The following CDC27 variants were observed in gnomAD, a reference collection of about 807,000 sequenced individuals.
CDC27 encodes cell division cycle 27.
A neutral mutation model predicts 109.7 loss-of-function variants in CDC27; 27 were observed. The ratio of observed to expected loss-of-function variants is 0.25; its 90% CI spans 0.18 to 0.34. CDC27 has a LOEUF of 0.34. Ranked by LOEUF, CDC27 falls within the 10% of genes least tolerant of loss-of-function variation. The probability of loss-of-function intolerance (pLI) is 1.00; values close to 1 mark genes in which losing one functional copy is unlikely to be tolerated. For synonymous variants in CDC27, 266 were observed against 333.9 expected (o/e 0.80, Z 2.22); for missense variants, 579 against 960.2 (o/e 0.60, Z 5.25).
In CDC27 at chr17:47,172,066, TA is replaced by T; in HGVS notation, c.104-3del. The T allele has an allele frequency of 6.5e-7, 1 of 1,547,902 alleles. No homozygotes were observed. The highest frequency in any genetic ancestry group is 1.3e-5 in the South Asian group (1 of 77,626). On this transcript the variant is annotated splice_region_variant and splice_polypyrimidine_tract_variant and intron_variant, in intron 2 of 18. Coordinates refer to ENST00000066544, the MANE Select transcript of CDC27 (RefSeq NM_001256.6). ...AAAACAAGGCTTCTTCTGAGTGTAC[TA>T]AAAACAGACATTTTTTAAAAAGGCT...
intron 15 of CDC27, among the ~76,000 whole-genome samples, chr17:47,131,623 G>C (rs1488949249): frequency 6.6e-6 from 1 of 151,668 alleles, no homozygotes; most frequent in Non-Finnish European, 1.5e-5. Flanking sequence ...ATTTTAAAAA[G>C]CAAACAAACA....
chr17:47,178,402 G>T (rs1352029348), intron 2 of CDC27, among the ~76,000 whole-genome samples: 2 of 151,750 alleles, frequency 1.3e-5, no homozygotes, highest in Non-Finnish European at 2.9e-5. Context: ...GGGCATGGTA[G>T]CATGTGCCTG....
chr17:47,132,771 A>ATTG (rs1555783678), intron 14 of CDC27, among the ~76,000 whole-genome samples: 1 of 127,286 alleles, frequency 7.9e-6, no homozygotes, highest in Non-Finnish European at 1.6e-5. Context: ...TATTATTATT[A>ATTG]TTATTATTAT....
intron 9 of CDC27, among the ~76,000 whole-genome samples, chr17:47,144,888 C>T (rs1294791452): frequency 6.6e-6 from 1 of 151,838 alleles, no homozygotes. Flanking sequence ...CACACACACA[C>T]ACACATAAAT....
At chr17:47,136,967 T>G (rs150771216) in intron 14 of CDC27, among the ~76,000 whole-genome samples, 185 bp downstream of exon 14, 1 of 152,322 alleles carries the variant, frequency 6.6e-6, no homozygotes, top group Non-Finnish European at 1.5e-5. Flanking sequence ...ATTAGTTAAT[T>G]TAAGAGTTTG....
intron 2 of CDC27, among the ~76,000 whole-genome samples, chr17:47,175,684 T>C (rs1389442875): frequency 1.3e-5 from 2 of 152,140 alleles, no homozygotes; most frequent in Non-Finnish European, 2.9e-5. Flanking sequence ...GGCATAGTGG[T>C]GCATGTCTGT....
chr17:47,138,222 A>G (rs977669767), intron 13 of CDC27, among the ~76,000 whole-genome samples: 5 of 152,220 alleles, frequency 3.3e-5, no homozygotes, highest in African/African-American at 7.2e-5. Flanking sequence ...ACATTGGTTC[A>G]GTAGCACTAA....
chr17:47,119,357 G>A lies in CDC27; in HGVS notation c.*1578C>T, dbSNP rs2061937260. The A allele has an allele frequency of 2.0e-5, 3 of 152,062 alleles. No homozygotes were observed. Among genetic ancestry groups the A allele is most frequent in the Admixed American group, 2.0e-4 (3 of 15,244 alleles). The allele number at this position is 152,062 out of a possible 1,614,324, so 9.4% of individuals were successfully genotyped here. A position where few individuals can be genotyped will look rare whatever the true frequency, so the allele number is the denominator to read the frequency against. On this transcript the variant is annotated 3_prime_UTR_variant, in exon 19 of 19. Transcript: ENST00000066544. ...CCTGACTTGAATTAATTTATAAATT[G>A]TACCTAATCCATGTTCAAATGAGAT...
intron 1 of CDC27, 141 bp from the exon 2 acceptor site, chr17:47,181,778 C>G: frequency 2.0e-6 from 1 of 492,428 alleles, no homozygotes; most frequent in Non-Finnish European, 3.7e-6. Context: ...GAGCAAACTC[C>G]AGAGTGTGCC....
At chr17:47,181,771 C>A in intron 1 of CDC27, 134 bp from the exon 2 acceptor site, 1 of 498,786 alleles carries the variant, frequency 2.0e-6, no homozygotes, top group Middle Eastern at 5.0e-4. Flanking sequence ...GCCCACAGAG[C>A]AAACTCCAGA....
chr17:47,164,955 T>C (rs1720922075), intron 4 of CDC27, among the ~76,000 whole-genome samples: 1 of 152,204 alleles, frequency 6.6e-6, no homozygotes, highest in African/African-American at 2.4e-5. Flanking sequence ...GATATAAAAC[T>C]GTTTTAATAT....
At chr17:47,169,288 G>A (rs2063740389) in intron 4 of CDC27, among the ~76,000 whole-genome samples, 1 of 151,886 alleles carries the variant, frequency 6.6e-6, no homozygotes, top group Non-Finnish European at 1.5e-5. Flanking sequence ...AATGCACCTG[G>A]CTATCTTTTC....
In CDC27 at chr17:47,141,798, T is replaced by G. The variant is rs138805201; in HGVS notation, c.1551+55A>C. On this transcript the variant is annotated intron_variant, in intron 12 of 18. Coordinates refer to ENST00000066544, the MANE Select transcript of CDC27 (RefSeq NM_001256.6). ...CCTTCTTAAGCATGGGCATTTATTTTAATGAAATTGAAATTATCTCTAGAA... is the reference window on the plus strand; with the variant it reads ...CCTTCTTAAGCATGGGCATTTATTTGAATGAAATTGAAATTATCTCTAGAA... 4.0e-4 allele frequency: 423 copies of G among 1,063,600 alleles called. 3 individuals carry two copies. In the African/African-American group the frequency reaches 6.2e-3, roughly 16 times the overall value. 65.9% of individuals were successfully genotyped at this position (1,063,600 alleles called of 1,614,324 possible).
intron 4 of CDC27, among the ~76,000 whole-genome samples, chr17:47,167,671 T>C (rs571291402): frequency 6.6e-6 from 1 of 152,278 alleles, no homozygotes; most frequent in African/African-American, 2.4e-5. Context: ...ACAGTAACAA[T>C]CATCAATACA....
chr17:47,129,975 T>C (rs1443586330), intron 15 of CDC27, among the ~76,000 whole-genome samples: 1 of 124,778 alleles, frequency 8.0e-6, no homozygotes, highest in Admixed American at 9.7e-5. Flanking sequence ...TTTCAAATAT[T>C]AGACTTCTCA....
chr17:47,151,325 G>A (rs773249675), intron 9 of CDC27, among the ~76,000 whole-genome samples: 32 of 152,114 alleles, frequency 2.1e-4, no homozygotes, highest in Non-Finnish European at 3.8e-4. Context: ...GTTTTAGAAA[G>A]GAGAAAGAAA....
intron 15 of CDC27, among the ~76,000 whole-genome samples, chr17:47,130,302 G>C (rs1239639104): frequency 6.6e-6 from 1 of 152,126 alleles, no homozygotes; most frequent in Non-Finnish European, 1.5e-5. Flanking sequence ...AGAGGTTGCA[G>C]TGAGCCAAGA....
At chr17:47,151,992 C>G in intron 8 of CDC27, 74 bp from the exon 9 acceptor site, 1 of 1,383,656 alleles carries the variant, frequency 7.2e-7, no homozygotes, top group South Asian at 1.7e-5. Flanking sequence ...ACACAACGCT[C>G]CCATCTACAT....
At chr17:47,162,805 T>C (rs1052384569) in intron 4 of CDC27, among the ~76,000 whole-genome samples, 76 of 152,126 alleles carry the variant, frequency 5.0e-4, no homozygotes, top group African/African-American at 1.6e-3. Context: ...TAATGAGTAA[T>C]TATTTCATGA....
Sources: allele counts gnomAD v4.1 joint callset (sites outside exome capture counted in the v4.1 genomes callset), GRCh38; gene constraint gnomAD v4.1.1; transcripts MANE v1.5; gene names NCBI Gene and HGNC (gene_info 2026-07-23, HGNC 2026-07-21).